Variants in ADARB1 observed in about 807,000 individuals in gnomAD.
The protein encoded by ADARB1 is adenosine deaminase RNA specific B1, also known as double-stranded RNA-specific editase 1.
In ADARB1, 10 loss-of-function variants were observed where a neutral mutation model predicts 52.4. That is an observed-to-expected ratio of 0.19 (90% CI 0.12 to 0.32). The LOEUF is 0.32. Ranked by LOEUF, ADARB1 falls within the 10% of genes least tolerant of loss-of-function variation. ADARB1 has a pLI of 1.00. For synonymous variants in ADARB1, 349 were observed against 371.1 expected, an observed-to-expected ratio of 0.94 and a Z score of 0.68; for missense variants, 643 against 922.3, an observed-to-expected ratio of 0.70 and a Z score of 3.92.
intron 2 of ADARB1, among the ~76,000 whole-genome samples, chr21:45,146,453 C>A (rs540035711): frequency 6.6e-6 from 1 of 152,172 alleles, no homozygotes; most frequent in Non-Finnish European, 1.5e-5. Context: ...TCAGCCGGAC[C>A]GGGACTCTCC....
Position 45,183,510 on chromosome 21 carries a change from G to A in ADARB1, c.1396G>A (p.Glu466Lys), listed in dbSNP as rs1324168516. 2 of 1,611,172 alleles carry A rather than the reference G, an allele frequency of 1.2e-6. No homozygotes were observed. Among genetic ancestry groups the A allele is most frequent in the Admixed American group, 1.7e-5 (1 of 59,308 alleles). The change falls in exon 7 of 11, where the codon GAA (glutamate) becomes AAA (lysine). Residue 466 changes from glutamate to lysine, a missense_variant and splice_region_variant. Around this residue, in one of 2 missense-constraint regions of ADARB1, gnomAD observed 263 missense variants for 475.8 expected, o/e 0.55. Coordinates refer to ENST00000348831, the MANE Select transcript of ADARB1 (RefSeq NM_001112.4). ...IFSPHEPILE[E>K]PADRHPNRKA... ...CTCACCACATGAGCCAATCCTGGAA[G>A]GTATGAGACGAGATTCTTCAACAAG...
intron 2 of ADARB1, chr21:45,145,282 G>A (rs410184): frequency 0.22 from 33,644 of 152,350 alleles, 4,356 homozygotes; most frequent in South Asian, 0.34. Flanking sequence ...GCAGGCCCAC[G>A]GGGCACACTG....
At chr21:45,169,993 A>T (rs1423998820) in intron 2 of ADARB1, among the ~76,000 whole-genome samples, 1 of 152,220 alleles carries the variant, frequency 6.6e-6, no homozygotes, top group East Asian at 1.9e-4. Flanking sequence ...CTCTGTGCCT[A>T]CATCTCACCT....
rs967013812 is a variant in ADARB1 at position 45,208,727 on chromosome 21, AGAGT to A, written c.1747+3993_1747+3996del. Among the ~76,000 whole-genome samples, 3 of 151,370 alleles carry A rather than the reference AGAGT, an allele frequency of 2.0e-5. No individual in the cohort carries two copies. Among genetic ancestry groups the A allele is most frequent in the Admixed American group, 1.3e-4 (2 of 15,188 alleles). ...ACGCTCACATGAGTGTATGAGAGAG[AGAGT>A]GTGTGTGTGTGTGTATGCGTATTCT... is the stretch of plus-strand genomic sequence containing the variant. On this transcript the variant is annotated intron_variant, in intron 9 of 10. Transcript: ENST00000348831. This position sits in a 1 kb window ranked among gnomAD's most constrained non-coding sequence, Gnocchi z 5.6.
Position 45,225,538 on chromosome 21 carries a change from C to G in ADARB1, c.*3341C>G. On this transcript the variant is annotated 3_prime_UTR_variant, in exon 11 of 11. Transcript: ENST00000348831. ...TGAAGACAGTGTCTCTCCTTGTAAT[C>G]TCACACAGGTACACTGAGGAGGGGA... The G allele has an allele frequency of 7.5e-7, 1 of 1,336,270 alleles. No homozygotes were observed. The highest frequency in any genetic ancestry group is 2.8e-5 in the East Asian group (1 of 36,024). The allele number at this position is 1,336,270 out of a possible 1,614,324, so 82.8% of individuals were successfully genotyped here.
Position 45,109,373 on chromosome 21 carries a change from C to T in ADARB1, c.-219-19029C>T, listed in dbSNP as rs543510780. On this transcript the variant is annotated intron_variant, in intron 1 of 10. Transcript: ENST00000348831. The stretch of plus-strand genomic sequence containing the variant: ...GTCCCCATGAGTCCTGTGGCACCAC[C>T]GAGTTGTCATGAATGCTTTCGTTTA... Among the ~76,000 whole-genome samples the T allele has an allele frequency of 8.0e-4, 122 of 152,352 alleles. 2 individuals are homozygous for T. The South Asian group carries it at 0.014, about 17-fold the overall frequency.
In ADARB1 at chr21:45,082,181, T is replaced by C. The variant is rs867145719; in HGVS notation, c.-220+7388T>C. On this transcript the variant is annotated intron_variant, in intron 1 of 10. Coordinates refer to ENST00000348831, the MANE Select transcript of ADARB1 (RefSeq NM_001112.4). ...CTTCAACTAGAGACCTCATTTTGTA[T>C]TGGGTTCTGTTTGAGTCTGCAAAGC... Among the ~76,000 whole-genome samples the C allele has an allele frequency of 2.7e-4, 41 of 152,346 alleles. No homozygotes were observed. The Middle Eastern group carries it at 0.014, about 51-fold the overall frequency.
At chr21:45,087,669 G>A (rs1000636265) in intron 1 of ADARB1, among the ~76,000 whole-genome samples, 1 of 152,126 alleles carries the variant, frequency 6.6e-6, no homozygotes, top group Non-Finnish European at 1.5e-5. Context: ...CCCAGCTCTT[G>A]AAACCACAGC....
At chr21:45,129,994 A>G (rs1166423779) in intron 2 of ADARB1, among the ~76,000 whole-genome samples, 1 of 152,218 alleles carries the variant, frequency 6.6e-6, no homozygotes, top group African/African-American at 2.4e-5. Flanking sequence ...GGGAAGGTCA[A>G]AATCAGGTCA....
chr21:45,124,928 A>G (rs1431354569), intron 1 of ADARB1, among the ~76,000 whole-genome samples: 1 of 151,838 alleles, frequency 6.6e-6, no homozygotes, highest in Non-Finnish European at 1.5e-5. Flanking sequence ...CCTCCGAAGT[A>G]GCTGGGATGA....
At chr21:45,146,766 C>G (rs1488469778) in intron 2 of ADARB1, among the ~76,000 whole-genome samples, 1 of 152,230 alleles carries the variant, frequency 6.6e-6, no homozygotes, top group African/African-American at 2.4e-5. Flanking sequence ...AGAATAATTT[C>G]ATCATAAAGA....
chr21:45,121,807 CTGTT>C (rs1306617078), intron 1 of ADARB1, among the ~76,000 whole-genome samples: 1 of 152,184 alleles, frequency 6.6e-6, no homozygotes, highest in Non-Finnish European at 1.5e-5. Context: ...TGTTTACTAA[CTGTT>C]TGTATCTCCT....
At chr21:45,202,952 G>A (rs1408857720) in intron 8 of ADARB1, among the ~76,000 whole-genome samples, 1 of 150,736 alleles carries the variant, frequency 6.6e-6, no homozygotes, top group African/African-American at 2.4e-5. Context: ...ACTGTGCTGA[G>A]CGTCTTCCCT....
chr21:45,091,768 T>C (rs553958261), intron 1 of ADARB1, among the ~76,000 whole-genome samples: 2 of 152,010 alleles, frequency 1.3e-5, no homozygotes, highest in South Asian at 4.2e-4. Context: ...CCAGGGAGAG[T>C]GGGGGTTTCC....
rs141527411 is a variant in ADARB1 at position 45,101,139 on chromosome 21, C to G, written c.-220+26346C>G. On this transcript the variant is annotated intron_variant, in intron 1 of 10. Transcript: ENST00000348831. ...GCGGTTACGCGGGGTCCTCTCCGGTCCTGTCCAGTGAGGTCCTGACAGCTG... is the reference window on the plus strand; with the variant it reads ...GCGGTTACGCGGGGTCCTCTCCGGTGCTGTCCAGTGAGGTCCTGACAGCTG... 5.2e-3 allele frequency: 788 copies of G among 152,524 alleles called. 4 individuals carry two copies. The highest frequency in any genetic ancestry group is 8.0e-3 in the Non-Finnish European group (544 of 68,176). The allele number at this position is 152,524 out of a possible 1,614,324, so 9.4% of individuals were successfully genotyped here. A position where few individuals can be genotyped will look rare whatever the true frequency, so the allele number is the denominator to read the frequency against.
rs373341267 is a variant in ADARB1, at chr21:45,158,650, A to G, written c.-47-12960A>G. 7.5e-4 allele frequency among the ~76,000 whole-genome samples: 114 copies of G among 151,986 alleles called. 1 individual carries two copies. Among genetic ancestry groups the G allele is most frequent in the African/African-American group, 2.7e-3 (110 of 41,440 alleles). ...GGTCCCATATGTGTTTCCTCCACCA[A>G]AGCACCCTGAGCTGTCCTACCTTCC... On this transcript the variant is annotated intron_variant, in intron 2 of 10. Transcript: ENST00000348831.
intron 2 of ADARB1, among the ~76,000 whole-genome samples, chr21:45,164,770 A>G (rs1472891929): frequency 6.6e-6 from 1 of 152,128 alleles, no homozygotes; most frequent in South Asian, 2.1e-4. Context: ...AGGGGCTCTC[A>G]GGGTCAAGAG....
intron 2 of ADARB1, among the ~76,000 whole-genome samples, chr21:45,147,018 C>T (rs2090044005): frequency 1.3e-5 from 2 of 152,206 alleles, no homozygotes; most frequent in African/African-American, 4.8e-5. Context: ...TGTGCTTGGG[C>T]CTGGCCAGCC....
At chr21:45,211,071 G>A (rs2092759523) in intron 9 of ADARB1, among the ~76,000 whole-genome samples, 1 of 152,252 alleles carries the variant, frequency 6.6e-6, no homozygotes, top group African/African-American at 2.4e-5. Context: ...GCTGGGGTTA[G>A]TGGACAACCA....
Sources: gnomAD v4.1 joint callset for allele counts (sites outside exome capture counted in the v4.1 genomes callset) on GRCh38, gnomAD v4.1.1 for gene constraint, gnomAD v4.1.1 regional missense constraint, Gnocchi (gnomAD v3.1) non-coding constraint, MANE v1.5 for transcripts, NCBI Gene and HGNC (gene_info 2026-07-23, HGNC 2026-07-21) for gene names.